Variants in SMC1A observed in about 807,000 individuals in gnomAD.
The protein encoded by SMC1A is structural maintenance of chromosomes protein 1A.
SMC1A carries 4 observed loss-of-function variants against 94.5 expected under a neutral mutation model. The observed-to-expected ratio is 0.04, with a 90% confidence interval of 0.02 to 0.10. The LOEUF (loss-of-function observed/expected upper bound fraction) is 0.10, where lower values mean the gene tolerates loss of function less well. Ranked by LOEUF, SMC1A falls within the 10% of genes least tolerant of loss-of-function variation. The probability of loss-of-function intolerance (pLI) is 1.00; values close to 1 mark genes in which losing one functional copy is unlikely to be tolerated. For missense variants in SMC1A, 304 were observed against 989.0 expected (o/e 0.31, Z 9.29); for synonymous variants, 345 against 347.7 (o/e 0.99, Z 0.09).
rs2075591615 is a variant in SMC1A at position 53,383,128 on chromosome X, A to G, written c.3099T>C (p.Ser1033=). The G allele has an allele frequency of 1.7e-6, 2 of 1,209,300 alleles. No homozygotes were observed. The highest frequency in any genetic ancestry group is 1.8e-5 in the South Asian group (1 of 56,441). ...PNMKAMEKLE[S]VRDKFQETSD... The stretch of plus-strand genomic sequence containing the variant: ...AGGTCTCCTGGAACTTGTCTCGGAC[A>G]CTTTCCAGCTTTTCCATGGCCTTCA... Residue 1033 remains serine (S), a synonymous_variant, in exon 20 of 25, where the codon AGT becomes AGC. Coordinates refer to ENST00000322213, the MANE Select transcript of SMC1A (RefSeq NM_006306.4).
chrX:53,399,767 T>C (rs2075664666), intron 15 of SMC1A, 37 bp from the exon 16 acceptor site: 72 of 1,179,028 alleles, frequency 6.1e-5, no homozygotes, highest in Non-Finnish European at 8.3e-5. Flanking sequence ...ACTCATAATC[T>C]CATCAGCCAG....
At chrX:53,396,106 T>G in intron 18 of SMC1A, 121 bp downstream of exon 18, 1 of 844,407 alleles carries the variant, frequency 1.2e-6, no homozygotes, top group South Asian at 2.0e-5. Flanking sequence ...TCCCTTTTCA[T>G]GTCCCTTCAC....
intron 7 of SMC1A, among the ~76,000 whole-genome samples, chrX:53,410,926 C>CAAAAAAACAAAAAAAAAA (rs2075709365): frequency 3.5e-5 from 1 of 28,815 alleles, no homozygotes; most frequent in Non-Finnish European, 5.1e-5. Context: ...GGCTTTGTCT[C>CAAAAAAACAAAAAAAAAA]AAAAAAAAAA....
intron 15 of SMC1A, among the ~76,000 whole-genome samples, chrX:53,400,933 C>T (rs1385182552): frequency 2.7e-5 from 3 of 111,477 alleles, no homozygotes; most frequent in Admixed American, 1.9e-4. Context: ...CTCTGTGATC[C>T]GGCCCCTGCT....
chrX:53,393,696 C>A (rs914272625), intron 19 of SMC1A, among the ~76,000 whole-genome samples: 9 of 111,019 alleles, frequency 8.1e-5, no homozygotes, highest in African/African-American at 3.0e-4. Context: ...TATTATCATT[C>A]TCTTTACTTC....
chrX:53,402,591 C>T (rs782041708), intron 15 of SMC1A, among the ~76,000 whole-genome samples: 1 of 104,457 alleles, frequency 9.6e-6, no homozygotes, highest in Non-Finnish European at 1.9e-5. Flanking sequence ...TGGGGCCAGG[C>T]GTGGTGGCTC....
In SMC1A at chrX:53,388,058, A is replaced by G. The variant is rs942955242; in HGVS notation, c.2974-4805T>C. ...TCCAGCCAGTAAACACAGAAATGAT[A>G]GAGTAAGGTCACCATTTTGCAACCC... On this transcript the variant is annotated intron_variant, in intron 19 of 24. Coordinates refer to ENST00000322213, the MANE Select transcript of SMC1A (RefSeq NM_006306.4). Among the ~76,000 whole-genome samples the G allele has an allele frequency of 3.6e-5, 4 of 111,771 alleles. No homozygotes were observed. In the Admixed American group the frequency reaches 3.8e-4, roughly 11 times the overall value.
intron 1 of SMC1A, among the ~76,000 whole-genome samples, chrX:53,418,871 C>T (rs955742934): frequency 1.5e-4 from 17 of 110,343 alleles, no homozygotes; most frequent in Non-Finnish European, 1.3e-4. Flanking sequence ...GGTGAAACCC[C>T]GTCCCTACTA....
chrX:53,379,948 C>G lies in SMC1A; in HGVS notation c.*155G>C, dbSNP rs2075575623. ...AATTTTTGCTCCAGACCTAACATCA[C>G]CTCTGTTCCTCTTCATGCTTGATTA... On this transcript the variant is annotated 3_prime_UTR_variant, in exon 25 of 25. Coordinates refer to ENST00000322213, the MANE Select transcript of SMC1A (RefSeq NM_006306.4). 1 of 492,721 alleles carries G rather than the reference C, an allele frequency of 2.0e-6. No homozygotes were observed. Among genetic ancestry groups the G allele is most frequent in the South Asian group, 2.9e-5 (1 of 35,046 alleles). 40.6% of individuals were successfully genotyped at this position (492,721 alleles called of 1,213,427 possible). A position where few individuals can be genotyped will look rare whatever the true frequency, so the allele number is the denominator to read the frequency against.
chrX:53,402,597 G>A (rs1423929924), intron 15 of SMC1A, among the ~76,000 whole-genome samples: 3 of 105,425 alleles, frequency 2.8e-5, no homozygotes, highest in African/African-American at 1.0e-4. Context: ...CAGGCGTGGT[G>A]GCTCATCCTG....
chrX:53,401,789 A>G (rs1429095979), intron 15 of SMC1A, among the ~76,000 whole-genome samples: 1 of 111,154 alleles, frequency 9.0e-6, no homozygotes, highest in Non-Finnish European at 1.9e-5. Flanking sequence ...ATAGATTTCC[A>G]CCTAATACTG....
intron 9 of SMC1A, among the ~76,000 whole-genome samples, chrX:53,406,840 G>A (rs781887547): frequency 3.4e-4 from 38 of 111,496 alleles, no homozygotes; most frequent in African/African-American, 1.2e-3. Flanking sequence ...TGGGATTACA[G>A]GTGCCCGCCA....
chrX:53,378,799 G>A lies in SMC1A; in HGVS notation c.*1304C>T, dbSNP rs868932212. On this transcript the variant is annotated 3_prime_UTR_variant, in exon 25 of 25. Transcript: ENST00000322213. ...TCTGCATGATCCTTATAGCTAATGA[G>A]GTTAGTTCCTAAAATGAACCTCACA... The A allele has an allele frequency of 7.1e-5, 8 of 112,578 alleles. No homozygotes were observed. The highest frequency in any genetic ancestry group is 1.9e-4 in the African/African-American group (6 of 31,021). The allele number at this position is 112,578 out of a possible 1,213,427, so 9.3% of individuals were successfully genotyped here.
intron 24 of SMC1A, 104 bp downstream of exon 24, chrX:53,380,516 C>G: frequency 1.7e-6 from 1 of 574,680 alleles, no homozygotes; most frequent in Non-Finnish European, 2.9e-6. Flanking sequence ...GGACCTGATT[C>G]CCTATGCTCC....
chrX:53,397,670 G>A lies in SMC1A; in HGVS notation c.2563-1053C>T, dbSNP rs781857600. On this transcript the variant is annotated intron_variant, in intron 16 of 24. Coordinates refer to ENST00000322213, the MANE Select transcript of SMC1A (RefSeq NM_006306.4). Reference sequence around the variant, plus strand: ...AAAATAATAAGCATATATATAGAGAGAGAATGCAAAAGATAATGCGGCAAC... The same window carrying A: ...AAAATAATAAGCATATATATAGAGAAAGAATGCAAAAGATAATGCGGCAAC... 2.7e-5 allele frequency among the ~76,000 whole-genome samples: 3 copies of A among 111,377 alleles called. No individual in the cohort carries two copies. In the East Asian group the frequency reaches 8.3e-4, roughly 31 times the overall value.
At position 53,379,928 on chromosome X, in the gene SMC1A, T is replaced by C. The variant is rs1179446751; in HGVS notation, c.*175A>G. 4.3e-6 allele frequency: 2 copies of C among 466,135 alleles called. No individual in the cohort carries two copies. The highest frequency in any genetic ancestry group is 4.8e-5 in the African/African-American group (2 of 41,846). 38.4% of individuals were successfully genotyped at this position (466,135 alleles called of 1,213,427 possible). On this transcript the variant is annotated 3_prime_UTR_variant, in exon 25 of 25. Transcript: ENST00000322213. ...AATACTCCCTGTCGTTCAGGAATTTTTGCTCCAGACCTAACATCACCTCTG... is the reference window on the plus strand; with the variant it reads ...AATACTCCCTGTCGTTCAGGAATTTCTGCTCCAGACCTAACATCACCTCTG...
chrX:53,417,700 T>G (rs948589552), intron 1 of SMC1A, among the ~76,000 whole-genome samples: 1 of 111,373 alleles, frequency 9.0e-6, no homozygotes, highest in Non-Finnish European at 1.9e-5. Context: ...AGCTTAAATA[T>G]AAACTGGATA....
At chrX:53,384,250 T>C (rs782349006) in intron 19 of SMC1A, among the ~76,000 whole-genome samples, 5 of 107,303 alleles carry the variant, frequency 4.7e-5, no homozygotes, top group African/African-American at 1.7e-4. Flanking sequence ...AGAAAACGAA[T>C]AGACCTTTTT....
chrX:53,397,926 C>G (rs1339073660), intron 16 of SMC1A, among the ~76,000 whole-genome samples: 1 of 111,082 alleles, frequency 9.0e-6, no homozygotes, highest in East Asian at 2.8e-4. Flanking sequence ...TGGCTCACAC[C>G]TGTAATCCCA....
Sources: gnomAD v4.1 joint callset for allele counts (sites outside exome capture counted in the v4.1 genomes callset) on GRCh38, gnomAD v4.1.1 for gene constraint, MANE v1.5 for transcripts, NCBI Gene and HGNC (gene_info 2026-07-23, HGNC 2026-07-21) for gene names.